The following COL24A1 variants were observed in gnomAD, a reference collection of about 807,000 sequenced individuals.
COL24A1 encodes the protein collagen type XXIV alpha 1 chain.
Under a neutral mutation model 253.9 loss-of-function variants are expected in COL24A1, and 224 were observed. That is an observed-to-expected ratio of 0.88 (90% confidence interval 0.79 to 0.99). The LOEUF (loss-of-function observed/expected upper bound fraction) is 0.99. Ranked by LOEUF, COL24A1 falls within the 50% of genes least tolerant of loss-of-function variation. The pLI, the probability that COL24A1 is intolerant of heterozygous loss-of-function variation, is 0.00. For synonymous variants in COL24A1, 685 were observed against 673.7 expected, an observed-to-expected ratio of 1.02 and a Z score of -0.26; for missense variants, 2,131 against 2,068.5, an observed-to-expected ratio of 1.03 and a Z score of -0.59.
At chr1:85,962,991 T>A (rs1691215216) in intron 23 of COL24A1, among the ~76,000 whole-genome samples, 1 of 152,158 alleles carries the variant, frequency 6.6e-6, no homozygotes, top group Non-Finnish European at 1.5e-5. Flanking sequence ...CATTAATAAT[T>A]TCAATATTGA....
chr1:85,938,020 A>G (rs1172777592), intron 24 of COL24A1, among the ~76,000 whole-genome samples: 1 of 147,560 alleles, frequency 6.8e-6, no homozygotes, highest in Non-Finnish European at 1.5e-5. Flanking sequence ...ATTACATCAC[A>G]TCAAGAATTT....
intron 37 of COL24A1, among the ~76,000 whole-genome samples, chr1:85,865,594 T>C (rs192232665): frequency 6.6e-6 from 1 of 152,326 alleles, no homozygotes; most frequent in African/African-American, 2.4e-5. Context: ...TCATTCCTCT[T>C]TGGGATTCCT....
intron 51 of COL24A1, among the ~76,000 whole-genome samples, chr1:85,782,108 G>A (rs1669204124): frequency 6.6e-6 from 1 of 152,138 alleles, no homozygotes; most frequent in East Asian, 1.9e-4. Context: ...CTGAGATGGA[G>A]TCTTGCTTCT....
In COL24A1 at chr1:85,875,320, C is replaced by T. The variant is rs1351726866; in HGVS notation, c.3041G>A (p.Gly1014Asp). ...TTGCAGACCAGACTCTCCCTCAGTG[C>T]CTGGAGGTCCCTACAAGAGAATAAT... ...PGEMGMEGPPGTEGESGLQGE... is the reference protein window; with the variant it reads ...PGEMGMEGPPDTEGESGLQGE... Residue 1014 changes from glycine to aspartate, a missense_variant, in exon 34 of 60, where the codon GGC becomes GAC. Transcript: ENST00000370571. 1 of 1,613,394 alleles carries T rather than the reference C, an allele frequency of 6.2e-7. No homozygotes were observed. The highest frequency in any genetic ancestry group is 1.7e-5 in the Admixed American group (1 of 59,936).
chr1:86,022,356 T>G, intron 17 of COL24A1, 63 bp from the exon 18 acceptor site: 6 of 1,493,610 alleles, frequency 4.0e-6, no homozygotes, highest in Non-Finnish European at 5.6e-6. Flanking sequence ...ATACCACTAT[T>G]TACAAACTGC....
At chr1:85,823,941 T>A (rs941865834) in intron 43 of COL24A1, among the ~76,000 whole-genome samples, 1 of 152,144 alleles carries the variant, frequency 6.6e-6, no homozygotes, top group African/African-American at 2.4e-5. Context: ...GTTTTCTTTC[T>A]TTCTTTCTTT....
chr1:85,968,701 G>C (rs1225113476), intron 22 of COL24A1, among the ~76,000 whole-genome samples: 1 of 135,904 alleles, frequency 7.4e-6, no homozygotes. Context: ...GCCTTAATGA[G>C]TCATTCCTTT....
intron 10 of COL24A1, 36 bp downstream of exon 10, chr1:86,057,895 A>C (rs1700776246): frequency 1.3e-6 from 2 of 1,585,070 alleles, no homozygotes; most frequent in Non-Finnish European, 1.7e-6. Context: ...CTTTTAGGCA[A>C]GCATGCTTAA....
chr1:85,991,136 A>T (rs1694222235), intron 19 of COL24A1, among the ~76,000 whole-genome samples: 1 of 152,200 alleles, frequency 6.6e-6, no homozygotes, highest in Non-Finnish European at 1.5e-5. Context: ...TCTTGCCAAA[A>T]ACAAACCTGA....
intron 37 of COL24A1, 116 bp from the exon 38 acceptor site, chr1:85,849,522 G>T: frequency 1.3e-6 from 1 of 793,558 alleles, no homozygotes; most frequent in South Asian, 1.7e-5. Flanking sequence ...TAAAAATGAG[G>T]GTTAATTTTC....
chr1:86,095,244 GAT>G (rs1309415592), intron 5 of COL24A1, among the ~76,000 whole-genome samples: 1 of 151,994 alleles, frequency 6.6e-6, no homozygotes, highest in African/African-American at 2.4e-5. Context: ...TTTAAAAATT[GAT>G]AGAGTGGGCA....
At chr1:85,924,491 C>A (rs1686946626) in intron 24 of COL24A1, among the ~76,000 whole-genome samples, 1 of 152,172 alleles carries the variant, frequency 6.6e-6, no homozygotes, top group South Asian at 2.1e-4. Flanking sequence ...TTGGCTTCAT[C>A]CCTGGGATGC....
intron 8 of COL24A1, among the ~76,000 whole-genome samples, chr1:86,059,772 A>G (rs985646251): frequency 8.5e-5 from 13 of 152,146 alleles, no homozygotes; most frequent in African/African-American, 2.9e-4. Context: ...CCCTGCTGAT[A>G]ATGCCTAACA....
chr1:86,062,922 A>G (rs1701196197), intron 8 of COL24A1, among the ~76,000 whole-genome samples: 4 of 152,048 alleles, frequency 2.6e-5, no homozygotes, highest in South Asian at 2.1e-4. Flanking sequence ...TCAGGTACCA[A>G]CCATCACATT....
chr1:86,062,862 A>T (rs1021018177), intron 8 of COL24A1, among the ~76,000 whole-genome samples: 4 of 152,094 alleles, frequency 2.6e-5, no homozygotes, highest in African/African-American at 9.7e-5. Flanking sequence ...GTCTAACTTA[A>T]CATGAATGAA....
chr1:86,073,631 T>C (rs185691305), intron 7 of COL24A1, among the ~76,000 whole-genome samples: 1 of 152,250 alleles, frequency 6.6e-6, no homozygotes. Flanking sequence ...ACCACAATGA[T>C]ACTCCTTGAG....
intron 37 of COL24A1, among the ~76,000 whole-genome samples, chr1:85,862,655 G>A (rs892371702): frequency 4.6e-5 from 7 of 152,188 alleles, no homozygotes; most frequent in Non-Finnish European, 8.8e-5. Context: ...AGTGGTCAGT[G>A]CAGGGCTTGC....
chr1:85,914,304 A>ATGTGTGTGTGTGTG (rs71078628), intron 24 of COL24A1, among the ~76,000 whole-genome samples: 21 of 139,262 alleles, frequency 1.5e-4, no homozygotes, highest in African/African-American at 5.6e-4. Context: ...TTTGTCATGA[A>ATGTGTGTGTGTGTG]TGTGTGTGTG....
At chr1:86,092,202 G>T in intron 6 of COL24A1, 65 bp downstream of exon 6, 1 of 1,262,876 alleles carries the variant, frequency 7.9e-7, no homozygotes, top group Non-Finnish European at 1.1e-6. Context: ...ATTTAAAAAT[G>T]CTTAAATTAT....
Sources: gnomAD v4.1 joint callset for allele counts (sites outside exome capture counted in the v4.1 genomes callset) on GRCh38, gnomAD v4.1.1 for gene constraint, MANE v1.5 for transcripts, NCBI Gene and HGNC (gene_info 2026-07-23, HGNC 2026-07-21) for gene names.